The following CNKSR2 variants were observed in gnomAD, a reference collection of about 807,000 sequenced individuals.
CNKSR2 encodes the protein connector enhancer of kinase suppressor of Ras 2.
In CNKSR2, 14 loss-of-function variants were observed where a neutral mutation model predicts 84.4. That is an observed-to-expected ratio of 0.17 (90% CI 0.11 to 0.26). The LOEUF is 0.26. Among genes scored for constraint, CNKSR2 ranks in the 10% least tolerant of loss-of-function variants. CNKSR2 has a pLI of 1.00. For missense variants in CNKSR2, 485 were observed against 771.2 expected (o/e 0.63, Z 4.40); for synonymous variants, 275 against 277.9 (o/e 0.99, Z 0.10).
At chrX:21,377,236 T>C (rs2089831470) in intron 1 of CNKSR2, among the ~76,000 whole-genome samples, 1 of 112,102 alleles carries the variant, frequency 8.9e-6, no homozygotes, top group Non-Finnish European at 1.9e-5. Context: ...AATATTCATA[T>C]ATATTTGATT....
At chrX:21,410,026 T>TTGTGTGTGTG (rs1229939811) in intron 1 of CNKSR2, among the ~76,000 whole-genome samples, 2 of 95,584 alleles carry the variant, frequency 2.1e-5, no homozygotes, top group African/African-American at 1.0e-4. Flanking sequence ...ATAAGCCTAA[T>TTGTGTGTGTG]TGTGTCTGTG....
intron 5 of CNKSR2, among the ~76,000 whole-genome samples, 166 bp from the exon 6 acceptor site, chrX:21,490,293 T>G (rs2091428557): frequency 8.9e-6 from 1 of 112,322 alleles, no homozygotes; most frequent in South Asian, 3.6e-4. Context: ...TGTGTAAATG[T>G]GTTTCCATTT....
chrX:21,391,404 A>G (rs1278121012), intron 1 of CNKSR2, among the ~76,000 whole-genome samples: 3 of 112,040 alleles, frequency 2.7e-5, no homozygotes, highest in African/African-American at 9.7e-5. Flanking sequence ...CCAAGCCTCA[A>G]CTCTTACCCT....
At chrX:21,405,834 T>C (rs1229141041) in intron 1 of CNKSR2, among the ~76,000 whole-genome samples, 1 of 111,546 alleles carries the variant, frequency 9.0e-6, no homozygotes, top group Non-Finnish European at 1.9e-5. Flanking sequence ...AATTAAGTTT[T>C]ATAATTAAAA....
intron 1 of CNKSR2, among the ~76,000 whole-genome samples, chrX:21,394,048 T>C (rs2090087378): frequency 8.9e-6 from 1 of 112,226 alleles, no homozygotes; most frequent in African/African-American, 3.2e-5. Context: ...CATCCTGTCC[T>C]GTATTTGTAT....
intron 1 of CNKSR2, among the ~76,000 whole-genome samples, chrX:21,385,812 G>A (rs376389771): frequency 6.0e-4 from 66 of 110,824 alleles, no homozygotes; most frequent in African/African-American, 1.8e-3. Flanking sequence ...ATCTGGTAAG[G>A]TGGGCTATAG....
chrX:21,517,898 A>T (rs755337078), intron 9 of CNKSR2, among the ~76,000 whole-genome samples: 1 of 111,793 alleles, frequency 8.9e-6, no homozygotes, highest in South Asian at 3.7e-4. Flanking sequence ...TCCATTATAC[A>T]TGAATGGCTT....
chrX:21,546,424 GA>G (rs1453368321), intron 11 of CNKSR2, among the ~76,000 whole-genome samples: 1 of 110,026 alleles, frequency 9.1e-6, no homozygotes, highest in African/African-American at 3.3e-5. Flanking sequence ...GAGACTATGT[GA>G]AAAGACCAAA....
chrX:21,484,887 A>T (rs1193784085), intron 5 of CNKSR2, among the ~76,000 whole-genome samples: 1 of 111,757 alleles, frequency 8.9e-6, no homozygotes, highest in East Asian at 2.8e-4. Context: ...TTTCTTTTTT[A>T]AAAAAACAAT....
chrX:21,535,423 T>A (rs2091918810), intron 11 of CNKSR2, among the ~76,000 whole-genome samples: 1 of 111,586 alleles, frequency 9.0e-6, no homozygotes, highest in African/African-American at 3.3e-5. Context: ...ATGTCATTGG[T>A]ATTTTGACAG....
chrX:21,599,381 T>TGA (rs1230382333), intron 17 of CNKSR2, among the ~76,000 whole-genome samples: 1 of 97,939 alleles, frequency 1.0e-5, no homozygotes, highest in Non-Finnish European at 2.1e-5. Flanking sequence ...TGTGTGTGTG[T>TGA]GTGAGATGGA....
intron 4 of CNKSR2, among the ~76,000 whole-genome samples, chrX:21,460,899 A>T (rs758375917): frequency 8.9e-6 from 1 of 112,037 alleles, no homozygotes; most frequent in African/African-American, 3.2e-5. Flanking sequence ...GCTGAATAGT[A>T]CTCCATTGTA....
intron 1 of CNKSR2, among the ~76,000 whole-genome samples, chrX:21,407,374 G>A (rs756984285): frequency 5.6e-4 from 63 of 111,544 alleles, no homozygotes; most frequent in Non-Finnish European, 1.1e-3. Flanking sequence ...AGAACCTTTG[G>A]TAGTTAAGAC....
intron 4 of CNKSR2, among the ~76,000 whole-genome samples, chrX:21,454,257 C>A (rs1003504794): frequency 1.8e-5 from 2 of 111,434 alleles, no homozygotes; most frequent in Admixed American, 9.5e-5. Flanking sequence ...ACAATAAACA[C>A]AATATTAAGT....
chrX:21,507,095 G>C (rs185407073), intron 8 of CNKSR2, among the ~76,000 whole-genome samples: 2 of 108,761 alleles, frequency 1.8e-5, no homozygotes, highest in East Asian at 5.8e-4. Context: ...ACATTTAACT[G>C]CCTGATAAAA....
At chrX:21,456,959 T>A (rs1437559826) in intron 4 of CNKSR2, among the ~76,000 whole-genome samples, 1 of 111,750 alleles carries the variant, frequency 8.9e-6, no homozygotes, top group African/African-American at 3.2e-5. Flanking sequence ...ATTTTTCTGA[T>A]AATTAGCAAT....
At position 21,606,992 on chromosome X, in the gene CNKSR2, G is replaced by A. The variant is rs1569270998; in HGVS notation, c.2145+113G>A. Reference sequence around the variant, plus strand: ...CATATCAAATTTAAGGTTTCTCAGCGGAAAAGAAAACTGGGAGTCTAAAAT... The same window carrying A: ...CATATCAAATTTAAGGTTTCTCAGCAGAAAAGAAAACTGGGAGTCTAAAAT... On this transcript the variant is annotated intron_variant, in intron 19 of 21. Transcript: ENST00000379510. 2.1e-5 allele frequency: 8 copies of A among 388,372 alleles called. No homozygotes were observed. In the East Asian group the frequency reaches 2.3e-4, roughly 11 times the overall value. 32.0% of individuals were successfully genotyped at this position (388,372 alleles called of 1,213,427 possible). A position where few individuals can be genotyped will look rare whatever the true frequency, so the allele number is the denominator to read the frequency against.
At chrX:21,387,191 A>G (rs1342634023) in intron 1 of CNKSR2, among the ~76,000 whole-genome samples, 2 of 112,258 alleles carry the variant, frequency 1.8e-5, no homozygotes, top group East Asian at 2.8e-4. Context: ...GAAAATAAAT[A>G]CAGCAGCGGG....
At chrX:21,642,634 GT>G (rs2092695335) in intron 20 of CNKSR2, 2 of 746,140 alleles carry the variant, frequency 2.7e-6, no homozygotes, top group Non-Finnish European at 3.2e-6. Flanking sequence ...ATTTTGAAAT[GT>G]TTTTTTCTTC....
Sources: allele counts gnomAD v4.1 joint callset (sites outside exome capture counted in the v4.1 genomes callset), GRCh38; gene constraint gnomAD v4.1.1; transcripts MANE v1.5; gene names NCBI Gene and HGNC (gene_info 2026-07-23, HGNC 2026-07-21).